CSMD2: variants seen among roughly 807,000 people sequenced by gnomAD.
CSMD2 encodes CUB and sushi domain-containing protein 2.
Under a neutral mutation model 398.5 loss-of-function variants are expected in CSMD2, and 130 were observed. The observed-to-expected ratio is 0.33, with a 90% confidence interval of 0.28 to 0.38. The LOEUF is 0.38. CSMD2 is among the 10% of genes least tolerant of loss of function. The pLI is 1.00. For missense variants in CSMD2, 3,829 were observed against 4,764.9 expected, an observed-to-expected ratio of 0.80 and a Z score of 5.78; for synonymous variants, 1,828 against 1,908.5, an observed-to-expected ratio of 0.96 and a Z score of 1.10.
chr1:33,596,670 C>A (rs1406761232), intron 44 of CSMD2, among the ~76,000 whole-genome samples: 2 of 152,132 alleles, frequency 1.3e-5, no homozygotes, highest in African/African-American at 2.4e-5. Flanking sequence ...TATAAAACCA[C>A]CAGATCTCGT....
chr1:34,108,575 G>T (rs969538072), intron 1 of CSMD2, among the ~76,000 whole-genome samples: 2 of 152,186 alleles, frequency 1.3e-5, no homozygotes, highest in Non-Finnish European at 2.9e-5. Flanking sequence ...AGCCAATGGG[G>T]ATGCCTGTCC....
intron 5 of CSMD2, chr1:33,882,230 C>G (rs1387177355): frequency 1.3e-5 from 2 of 152,188 alleles, no homozygotes; most frequent in African/African-American, 4.8e-5. Context: ...GAACTGGAGG[C>G]AAATGTGAGT....
chr1:33,540,621 T>C lies in CSMD2; in HGVS notation c.9535A>G (p.Thr3179Ala). 6.2e-7 allele frequency: 1 copy of C among 1,614,084 alleles called. No homozygotes were observed. Among genetic ancestry groups the C allele is most frequent in the Non-Finnish European group, 8.5e-7 (1 of 1,180,006 alleles). The change falls in exon 60 of 71, where the codon ACT becomes GCT. Residue 3179 changes from threonine to alanine, a missense_variant. Transcript: ENST00000373381. ...GSDFMWGSSV[T>A]YACLEGYQLS... ...TGGTACCCCTCCAGGCAGGCATAAGTCACACTTGAGCCCCACATGAAGTCA... is the reference window on the plus strand; with the variant it reads ...TGGTACCCCTCCAGGCAGGCATAAGCCACACTTGAGCCCCACATGAAGTCA...
chr1:34,093,344 A>G (rs1172225843), intron 1 of CSMD2, among the ~76,000 whole-genome samples: 1 of 152,254 alleles, frequency 6.6e-6, no homozygotes, highest in African/African-American at 2.4e-5. Context: ...TCTAAAAAGC[A>G]GAGCGCCTCT....
In CSMD2 at chr1:33,601,140, C is replaced by G. The variant is rs1640190103; in HGVS notation, c.6711-130G>C. ...GATTCTTTTTGTACCAACACTTCCC[C>G]ACACCATGCCCTAAATACCTCTCCC... On this transcript the variant is annotated intron_variant, in intron 43 of 70. Transcript: ENST00000373381. 2.6e-5 allele frequency: 31 copies of G among 1,189,954 alleles called. 1 individual carries two copies. In the South Asian group the frequency reaches 3.8e-4, roughly 15 times the overall value. The allele number at this position is 1,189,954 out of a possible 1,614,324, so 73.7% of individuals were successfully genotyped here. A position where few individuals can be genotyped will look rare whatever the true frequency, so the allele number is the denominator to read the frequency against.
chr1:33,721,276 T>A (rs561555283), intron 19 of CSMD2, among the ~76,000 whole-genome samples: 1 of 152,224 alleles, frequency 6.6e-6, no homozygotes, highest in Non-Finnish European at 1.5e-5. Flanking sequence ...TGGTTTAGGC[T>A]GTCTACTACC....
At position 33,624,043 on chromosome 1, in the gene CSMD2, G is replaced by A. The variant is rs978177994; in HGVS notation, c.5625+476C>T. On this transcript the variant is annotated intron_variant, in intron 35 of 70. Coordinates refer to ENST00000373381, the MANE Select transcript of CSMD2 (RefSeq NM_001281956.2). This position sits in a 1 kb window ranked among gnomAD's most constrained non-coding sequence, Gnocchi z 4.7. ...TGCGTGGTTCCCTAGGTGTGTGCCTGGGGGTTCTCTGTGCTTCAGCTGTGC... is the reference window on the plus strand; with the variant it reads ...TGCGTGGTTCCCTAGGTGTGTGCCTAGGGGTTCTCTGTGCTTCAGCTGTGC... 1.3e-5 allele frequency among the ~76,000 whole-genome samples: 2 copies of A among 152,194 alleles called. No individual in the cohort carries two copies. The highest frequency in any genetic ancestry group is 2.9e-5 in the Non-Finnish European group (2 of 68,040).
intron 1 of CSMD2, among the ~76,000 whole-genome samples, chr1:34,093,680 A>G (rs1465906883): frequency 6.6e-6 from 1 of 151,874 alleles, no homozygotes; most frequent in Non-Finnish European, 1.5e-5. Flanking sequence ...GAAATGAATG[A>G]AATGAAGTGA....
At chr1:33,735,719 A>G (rs773036908) in intron 15 of CSMD2, among the ~76,000 whole-genome samples, 81 of 152,206 alleles carry the variant, frequency 5.3e-4, no homozygotes, top group Non-Finnish European at 5.6e-4. Flanking sequence ...TTGTCCTATT[A>G]TAGCCTCTCA....
chr1:33,845,318 T>A (rs1316699223), intron 6 of CSMD2, among the ~76,000 whole-genome samples: 2 of 152,334 alleles, frequency 1.3e-5, no homozygotes, highest in East Asian at 3.9e-4. Context: ...AACAAATGTA[T>A]CACTTTACTG....
rs115995489 is a variant in CSMD2, at chr1:34,164,540, C to T, written c.187+371G>A. Among the ~76,000 whole-genome samples, 8,656 of 152,004 alleles carry T rather than the reference C, an allele frequency of 0.057. 340 individuals are homozygous for T. Among genetic ancestry groups the T allele is most frequent in the South Asian group, 0.086 (413 of 4,816 alleles). On this transcript the variant is annotated intron_variant, in intron 1 of 70. Coordinates refer to ENST00000373381, the MANE Select transcript of CSMD2 (RefSeq NM_001281956.2). The surrounding 1 kb of genome is among the most constrained non-coding windows in gnomAD (Gnocchi z 6.2). ...TCAGGAGCCGGGGGAGTAGGGCTCC[C>T]GGAAAGTTTATCGGGAAAAAGCCTA...
intron 25 of CSMD2, among the ~76,000 whole-genome samples, chr1:33,690,037 C>A (rs1645184059): frequency 6.6e-6 from 1 of 152,160 alleles, no homozygotes; most frequent in Non-Finnish European, 1.5e-5. Context: ...CCCAGCCACA[C>A]TCTGGAGGCA....
chr1:34,012,903 G>T (rs1398544148), intron 3 of CSMD2, among the ~76,000 whole-genome samples: 1 of 152,160 alleles, frequency 6.6e-6, no homozygotes, highest in Non-Finnish European at 1.5e-5. Context: ...GGGCACAAAG[G>T]GGATACATTT....
At chr1:34,008,282 C>T (rs1286691964) in intron 3 of CSMD2, among the ~76,000 whole-genome samples, 1 of 152,198 alleles carries the variant, frequency 6.6e-6, no homozygotes, top group East Asian at 1.9e-4. Context: ...TATTTTAATG[C>T]AGGAAGAAAT....
chr1:34,079,158 C>T (rs1283323813), intron 2 of CSMD2, among the ~76,000 whole-genome samples: 1 of 152,120 alleles, frequency 6.6e-6, no homozygotes, highest in Non-Finnish European at 1.5e-5. Context: ...TAACATCATA[C>T]TTAATGCTAA....
At chr1:34,150,444 T>C (rs771132) in intron 1 of CSMD2, among the ~76,000 whole-genome samples, 66,150 of 151,924 alleles carry the variant, frequency 0.44, 15,187 homozygotes, top group Non-Finnish European at 0.47. Flanking sequence ...GCTCTAGAAT[T>C]AGACTAGGTT....
intron 5 of CSMD2, among the ~76,000 whole-genome samples, chr1:33,856,043 A>C (rs1311276855): frequency 1.3e-5 from 2 of 152,210 alleles, no homozygotes; most frequent in Non-Finnish European, 2.9e-5. Flanking sequence ...TCTGAGCCTC[A>C]GTTTCCTCAT....
intron 3 of CSMD2, among the ~76,000 whole-genome samples, chr1:33,977,982 A>AT (rs5773445): frequency 0.39 from 59,364 of 151,918 alleles, 11,758 homozygotes; most frequent in East Asian, 0.56. Flanking sequence ...GAGGTGGAGC[A>AT]CACCTCTAAG....
At chr1:33,751,601 G>A (rs1648256097) in intron 13 of CSMD2, among the ~76,000 whole-genome samples, 1 of 152,134 alleles carries the variant, frequency 6.6e-6, no homozygotes, top group Non-Finnish European at 1.5e-5. Flanking sequence ...GCAAGGAGAT[G>A]AGAGTGTGAA....
Sources: allele counts gnomAD v4.1 joint callset (sites outside exome capture counted in the v4.1 genomes callset), GRCh38; gene constraint gnomAD v4.1.1; non-coding constraint Gnocchi (gnomAD v3.1); transcripts MANE v1.5; gene names NCBI Gene and HGNC (gene_info 2026-07-23, HGNC 2026-07-21).